The following RNF150 variants were observed in gnomAD, a reference collection of about 807,000 sequenced individuals.
RNF150 encodes the protein ring finger protein 150.
Under a neutral mutation model 39.3 loss-of-function variants are expected in RNF150, and 24 were observed. The ratio of observed to expected loss-of-function variants is 0.61; its 90% CI spans 0.44 to 0.86. The LOEUF (loss-of-function observed/expected upper bound fraction) is 0.86, where lower values mean the gene tolerates loss of function less well. Ranked by LOEUF, RNF150 falls within the 40% of genes least tolerant of loss-of-function variation. RNF150 has a pLI of 0.00. For synonymous variants in RNF150, 255 were observed against 227.3 expected (o/e 1.12, Z -1.10); for missense variants, 502 against 587.8 (o/e 0.85, Z 1.51).
chr4:141,075,773 G>A (rs557123862), intron 1 of RNF150, among the ~76,000 whole-genome samples: 1 of 151,954 alleles, frequency 6.6e-6, no homozygotes, highest in African/African-American at 2.4e-5. Flanking sequence ...CTTAAGTGAG[G>A]TTTGCTGGGA....
chr4:141,052,058 A>G (rs532070099), intron 1 of RNF150, among the ~76,000 whole-genome samples: 80 of 151,962 alleles, frequency 5.3e-4, no homozygotes, highest in African/African-American at 1.7e-3. Flanking sequence ...CTGCAGGGAA[A>G]CTCGTTTTTA....
chr4:141,188,116 G>A (rs1249942314), intron 1 of RNF150, among the ~76,000 whole-genome samples: 4 of 152,160 alleles, frequency 2.6e-5, no homozygotes, highest in Non-Finnish European at 4.4e-5. Context: ...AGTTTAGTTT[G>A]GCTGAATACG....
intron 1 of RNF150, among the ~76,000 whole-genome samples, chr4:140,994,465 GCA>G (rs1181742529): frequency 6.6e-6 from 1 of 151,216 alleles, no homozygotes; most frequent in Non-Finnish European, 1.5e-5. Flanking sequence ...GCATGTGTGT[GCA>G]CGCACACACA....
intron 4 of RNF150, among the ~76,000 whole-genome samples, chr4:140,932,254 G>A (rs539814547): frequency 1.3e-5 from 2 of 152,298 alleles, no homozygotes; most frequent in South Asian, 4.1e-4. Context: ...TTGCAAAACT[G>A]TCAATAAAGA....
intron 6 of RNF150, among the ~76,000 whole-genome samples, chr4:140,870,146 A>C (rs991647880): frequency 3.9e-5 from 6 of 152,210 alleles, no homozygotes; most frequent in African/African-American, 1.4e-4. Context: ...TGGCCTGAAA[A>C]ATCAGTTTTA....
chr4:140,883,230 C>T (rs1729440278), intron 6 of RNF150, among the ~76,000 whole-genome samples: 1 of 152,092 alleles, frequency 6.6e-6, no homozygotes, highest in South Asian at 2.1e-4. Flanking sequence ...ATTTTACATC[C>T]ATTAAAGTAG....
At chr4:141,079,573 G>A (rs1652413400) in intron 1 of RNF150, among the ~76,000 whole-genome samples, 2 of 152,196 alleles carry the variant, frequency 1.3e-5, no homozygotes, top group Admixed American at 6.5e-5. Flanking sequence ...TGCACAAGGT[G>A]AGTACTGTAA....
chr4:141,033,847 C>A (rs1273545822), intron 1 of RNF150, among the ~76,000 whole-genome samples: 1 of 152,124 alleles, frequency 6.6e-6, no homozygotes, highest in East Asian at 1.9e-4. Context: ...ATTCAGTAAA[C>A]CATGCTGTAA....
intron 1 of RNF150, among the ~76,000 whole-genome samples, chr4:141,034,998 T>C (rs1324344633): frequency 6.6e-6 from 1 of 152,220 alleles, no homozygotes; most frequent in Non-Finnish European, 1.5e-5. Context: ...GATGTAAGGT[T>C]GCCACAAACT....
At chr4:140,880,492 A>G (rs1729330757) in intron 6 of RNF150, among the ~76,000 whole-genome samples, 1 of 149,338 alleles carries the variant, frequency 6.7e-6, no homozygotes. Context: ...TGGATTTGGT[A>G]TTATGGTAAT....
intron 6 of RNF150, among the ~76,000 whole-genome samples, chr4:140,891,588 G>A (rs749582076): frequency 6.6e-6 from 1 of 152,090 alleles, no homozygotes; most frequent in South Asian, 2.1e-4. Context: ...TTGTCCTTCC[G>A]TATCCAGTAT....
At chr4:141,148,463 G>C (rs1014497211) in intron 1 of RNF150, among the ~76,000 whole-genome samples, 2 of 151,600 alleles carry the variant, frequency 1.3e-5, no homozygotes, top group Non-Finnish European at 2.9e-5. Flanking sequence ...TTTTTTTTTA[G>C]ATGGAGTTTT....
chr4:141,027,929 T>TG (rs1472472973), intron 1 of RNF150, among the ~76,000 whole-genome samples: 8 of 90,130 alleles, frequency 8.9e-5, no homozygotes, highest in Admixed American at 3.4e-4. Context: ...TTTTTTTGTT[T>TG]TTTTTTTTTT....
At chr4:140,899,922 C>T (rs1730112211) in intron 6 of RNF150, among the ~76,000 whole-genome samples, 1 of 149,598 alleles carries the variant, frequency 6.7e-6, no homozygotes, top group African/African-American at 2.5e-5. Flanking sequence ...AAAAGGTATC[C>T]TAGTAGGTTC....
At chr4:141,155,630 T>C (rs1251728633) in intron 1 of RNF150, among the ~76,000 whole-genome samples, 1 of 152,234 alleles carries the variant, frequency 6.6e-6, no homozygotes, top group African/African-American at 2.4e-5. Flanking sequence ...ATGAATGTTA[T>C]ATACATCCCA....
intron 1 of RNF150, among the ~76,000 whole-genome samples, chr4:141,150,493 C>T (rs1395044566): frequency 6.6e-6 from 1 of 152,216 alleles, no homozygotes; most frequent in Non-Finnish European, 1.5e-5. Context: ...CCCTGGCCTC[C>T]CTTACACAGC....
intron 1 of RNF150, among the ~76,000 whole-genome samples, chr4:141,002,454 A>G (rs1734700858): frequency 6.6e-6 from 1 of 152,162 alleles, no homozygotes; most frequent in South Asian, 2.1e-4. Flanking sequence ...ACACTGAACG[A>G]TTAAGAGCTT....
intron 6 of RNF150, among the ~76,000 whole-genome samples, chr4:140,909,032 A>G (rs1407759409): frequency 1.3e-5 from 2 of 152,166 alleles, no homozygotes; most frequent in Admixed American, 6.5e-5. Flanking sequence ...ACATCTTCCA[A>G]TATATTTCAC....
chr4:141,154,439 A>T (rs746508660), intron 1 of RNF150, among the ~76,000 whole-genome samples: 3 of 152,192 alleles, frequency 2.0e-5, no homozygotes, highest in Non-Finnish European at 4.4e-5. Context: ...TTAGGCAAGC[A>T]CTTCTCACAA....
Sources: allele counts gnomAD v4.1 joint callset (sites outside exome capture counted in the v4.1 genomes callset), GRCh38; gene constraint gnomAD v4.1.1; transcripts MANE v1.5; gene names NCBI Gene and HGNC (gene_info 2026-07-23, HGNC 2026-07-21).